The following ELL variants were observed in gnomAD, a reference collection of about 807,000 sequenced individuals.
ELL encodes the protein RNA polymerase II elongation factor ELL.
In ELL, 18 loss-of-function variants were observed where a neutral mutation model predicts 64.0. The ratio of observed to expected loss-of-function variants is 0.28; its 90% CI spans 0.19 to 0.42. The LOEUF is 0.42. ELL is among the 10% of genes least tolerant of loss of function. ELL has a pLI of 1.00. For synonymous variants in ELL, 399 were observed against 376.2 expected (o/e 1.06, Z -0.70); for missense variants, 797 against 870.4 (o/e 0.92, Z 1.06).
intron 8 of ELL, among the ~76,000 whole-genome samples, 160 bp from the exon 9 acceptor site, chr19:18,446,974 G>GCC (rs1443984543): frequency 6.6e-6 from 1 of 152,232 alleles, no homozygotes; most frequent in Admixed American, 6.5e-5. Context: ...CAAGGGCTGA[G>GCC]CCCCTCGCAC....
intron 1 of ELL, chr19:18,475,843 A>G (rs1203047764): frequency 6.6e-6 from 1 of 152,128 alleles, no homozygotes; most frequent in African/African-American, 2.4e-5. Context: ...GATGTTCGCT[A>G]CACCTTCCCA....
chr19:18,471,690 T>A (rs1975068364), intron 2 of ELL, among the ~76,000 whole-genome samples: 1 of 152,052 alleles, frequency 6.6e-6, no homozygotes, highest in African/African-American at 2.4e-5. Flanking sequence ...ATCAAACCAT[T>A]CTAAGGCATA....
At chr19:18,463,411 T>C (rs1974870753) in intron 4 of ELL, among the ~76,000 whole-genome samples, 1 of 143,058 alleles carries the variant, frequency 7.0e-6, no homozygotes, top group Non-Finnish European at 1.5e-5. Flanking sequence ...CTCAGCTCAC[T>C]GCAACCTCCG....
chr19:18,479,966 C>T (rs1600470492), intron 1 of ELL, among the ~76,000 whole-genome samples: 1 of 152,154 alleles, frequency 6.6e-6, no homozygotes, highest in Non-Finnish European at 1.5e-5. Flanking sequence ...CCACTCTCCC[C>T]AGGCAGCACG....
chr19:18,445,422 TGTAGCTCCGGA>T, intron 10 of ELL, 154 bp from the exon 11 acceptor site: 2 of 782,916 alleles, frequency 2.6e-6, no homozygotes, highest in Admixed American at 4.0e-5. Context: ...CCACAGCGGC[TGTAGCTCCGGA>T]GTGGGTGGGG....
chr19:18,476,590 C>T (rs1231305617), intron 1 of ELL, among the ~76,000 whole-genome samples: 2 of 152,046 alleles, frequency 1.3e-5, no homozygotes, highest in African/African-American at 2.4e-5. Flanking sequence ...CTTGCCAAGT[C>T]GCTTATCCCC....
intron 1 of ELL, among the ~76,000 whole-genome samples, chr19:18,489,842 C>G (rs1209881048): frequency 6.6e-6 from 1 of 152,164 alleles, no homozygotes; most frequent in Non-Finnish European, 1.5e-5. Flanking sequence ...TGGTCTCTTC[C>G]CACCTAAAGG....
intron 1 of ELL, chr19:18,473,126 G>T: frequency 1.5e-6 from 1 of 677,408 alleles, no homozygotes; most frequent in Non-Finnish European, 2.7e-6. Context: ...TAAGAATGGG[G>T]CCTCCAGACA....
chr19:18,467,840 TCC>T (rs1346891349), intron 2 of ELL, among the ~76,000 whole-genome samples: 1 of 31,628 alleles, frequency 3.2e-5, no homozygotes, highest in Non-Finnish European at 5.1e-5. Context: ...ACACACGATC[TCC>T]CTACACACAA....
In ELL at chr19:18,508,524, G is replaced by T. The variant is rs117340625; in HGVS notation, c.135+13397C>A. On this transcript the variant is annotated intron_variant, in intron 1 of 11. Transcript: ENST00000262809. ...ACCCTCCAAAGTCTCAACTGGCCCT[G>T]GCCAACAGCAAGGCTTCACAGGGCT... is the stretch of plus-strand genomic sequence containing the variant. 1.1e-3 allele frequency among the ~76,000 whole-genome samples: 164 copies of T among 152,314 alleles called. 3 individuals are homozygous for T. The East Asian group carries it at 0.027, about 25-fold the overall frequency.
rs892046393 is a variant in ELL at position 18,499,523 on chromosome 19, A to G, written c.135+22398T>C. ...ACAAATACAAATCCTGCCACGAGGA[A>G]GGGGGCAAGGTCTCGGGCCCCTGTA... On this transcript the variant is annotated intron_variant, in intron 1 of 11. Coordinates refer to ENST00000262809, the MANE Select transcript of ELL (RefSeq NM_006532.4). 2.6e-5 allele frequency among the ~76,000 whole-genome samples: 4 copies of G among 152,246 alleles called. No homozygotes were observed. In the South Asian group the frequency reaches 6.2e-4, roughly 24 times the overall value.
At position 18,443,961 on chromosome 19, in the gene ELL, C is replaced by T. The variant is rs1238629074; in HGVS notation, c.*791G>A. On this transcript the variant is annotated 3_prime_UTR_variant, in exon 12 of 12. Coordinates refer to ENST00000262809, the MANE Select transcript of ELL (RefSeq NM_006532.4). ...GACATCGCAAAGAAAAGTCTGACGC[C>T]GCTGCGGCCGAGTCTCAACTTGGAG... The T allele has an allele frequency of 2.2e-5, 5 of 232,492 alleles. No homozygotes were observed. Among genetic ancestry groups the T allele is most frequent in the Non-Finnish European group, 4.2e-5 (5 of 117,658 alleles). The allele number at this position is 232,492 out of a possible 1,614,324, so 14.4% of individuals were successfully genotyped here. A position where few individuals can be genotyped will look rare whatever the true frequency, so the allele number is the denominator to read the frequency against.
chr19:18,492,024 T>C (rs770894938), intron 1 of ELL, among the ~76,000 whole-genome samples: 2 of 152,208 alleles, frequency 1.3e-5, no homozygotes, highest in African/African-American at 2.4e-5. Context: ...AGGCTACCTT[T>C]TGCAAATGGC....
At chr19:18,472,988 G>T in intron 1 of ELL, 106 bp from the exon 2 acceptor site, 1 of 1,318,406 alleles carries the variant, frequency 7.6e-7, no homozygotes, top group Non-Finnish European at 1.0e-6. Context: ...GGTGAAGATG[G>T]TGTTCTCAGG....
chr19:18,461,455 G>C, intron 5 of ELL, 123 bp downstream of exon 5: 1 of 1,442,708 alleles, frequency 6.9e-7, no homozygotes. Flanking sequence ...ACCTGTGAGA[G>C]ACCCCAGGAA....
chr19:18,511,259 T>C lies in ELL; in HGVS notation c.135+10662A>G, dbSNP rs1399010816. On this transcript the variant is annotated intron_variant, in intron 1 of 11. Coordinates refer to ENST00000262809, the MANE Select transcript of ELL (RefSeq NM_006532.4). ...TCCAGCCTGGGTGACAGAGCGAAAC[T>C]CCGTCTCAAAAAAAAAAAAAATTAA... Among the ~76,000 whole-genome samples the C allele has an allele frequency of 6.2e-5, 9 of 145,678 alleles. No homozygotes were observed. The Admixed American group carries it at 6.2e-4, about 10-fold the overall frequency.
rs1410803100 is a variant in ELL at position 18,465,396 on chromosome 19, C to G, written c.469+16G>C. 2 of 1,584,176 alleles carry G rather than the reference C, an allele frequency of 1.3e-6. No individual in the cohort carries two copies. Among genetic ancestry groups the G allele is most frequent in the Admixed American group, 1.7e-5 (1 of 58,664 alleles). On this transcript the variant is annotated intron_variant, in intron 4 of 11. Coordinates refer to ENST00000262809, the MANE Select transcript of ELL (RefSeq NM_006532.4). ...CTGCCCGGCTGCCCTACAGCCCTGC[C>G]AAACCCACTGCTCACCCAGGTAGCG...
At chr19:18,475,904 C>T (rs1975165310) in intron 1 of ELL, 1 of 152,224 alleles carries the variant, frequency 6.6e-6, no homozygotes. Flanking sequence ...GGCACAGGAG[C>T]AACATTCTCT....
At chr19:18,490,058 C>T (rs1007736020) in intron 1 of ELL, among the ~76,000 whole-genome samples, 1 of 152,216 alleles carries the variant, frequency 6.6e-6, no homozygotes, top group Non-Finnish European at 1.5e-5. Flanking sequence ...CACAGCCTTG[C>T]TTACACGCCA....
Sources: allele counts gnomAD v4.1 joint callset (sites outside exome capture counted in the v4.1 genomes callset), GRCh38; gene constraint gnomAD v4.1.1; transcripts MANE v1.5; gene names NCBI Gene and HGNC (gene_info 2026-07-23, HGNC 2026-07-21).